Variants in YY1 observed in about 807,000 individuals in gnomAD.
The protein encoded by YY1 is transcriptional repressor protein YY1.
A neutral mutation model predicts 35.6 loss-of-function variants in YY1; 2 were observed. The observed-to-expected ratio is 0.06, with a 90% CI of 0.02 to 0.18. The LOEUF is 0.18. YY1 is among the 10% of genes least tolerant of loss of function. The pLI, the probability that YY1 is intolerant of heterozygous loss-of-function variation, is 1.00. For missense variants in YY1, 322 were observed against 573.4 expected (o/e 0.56, Z 4.48); for synonymous variants, 268 against 238.9 (o/e 1.12, Z -1.12).
At chr14:100,261,265 C>A (rs1364293020) in intron 1 of YY1, among the ~76,000 whole-genome samples, 1 of 152,096 alleles carries the variant, frequency 6.6e-6, no homozygotes, top group African/African-American at 2.4e-5. Flanking sequence ...TCTCAGCTCA[C>A]TGCAAACTCT....
chr14:100,261,533 A>G (rs1409919810), intron 1 of YY1, among the ~76,000 whole-genome samples: 1 of 152,230 alleles, frequency 6.6e-6, no homozygotes, highest in Non-Finnish European at 1.5e-5. Flanking sequence ...GATTTTGAAC[A>G]AGGCTCTGTA....
chr14:100,255,656 G>T (rs1264701522), intron 1 of YY1, among the ~76,000 whole-genome samples: 1 of 152,100 alleles, frequency 6.6e-6, no homozygotes, highest in Non-Finnish European at 1.5e-5. Flanking sequence ...GTGGAATGTG[G>T]TAATGATCAA....
chr14:100,271,042 G>A (rs1180481765), intron 2 of YY1, among the ~76,000 whole-genome samples: 1 of 152,038 alleles, frequency 6.6e-6, no homozygotes, highest in African/African-American at 2.4e-5. Flanking sequence ...TCAGGAGATC[G>A]AGACCATCCT....
Position 100,245,595 on chromosome 14 carries a change from AGTT to A in YY1, c.679+5678_679+5680del, listed in dbSNP as rs557761310. The stretch of plus-strand genomic sequence containing the variant: ...ACTAATGCTGTTACATAGGAGTAAC[AGTT>A]GTTGTGGGGTTTTTTGGGTTTTTTT... On this transcript the variant is annotated intron_variant, in intron 1 of 4. Transcript: ENST00000262238. Among the ~76,000 whole-genome samples, 13 of 152,080 alleles carry A rather than the reference AGTT, an allele frequency of 8.5e-5. 1 individual carries two copies. In the South Asian group the frequency reaches 2.5e-3, roughly 29 times the overall value.
At chr14:100,250,092 A>G (rs1890902107) in intron 1 of YY1, among the ~76,000 whole-genome samples, 1 of 152,212 alleles carries the variant, frequency 6.6e-6, no homozygotes. Context: ...CTCTTTAGAT[A>G]CATTGCTTGT....
At chr14:100,269,502 T>G (rs1418706226) in intron 2 of YY1, among the ~76,000 whole-genome samples, 1 of 152,206 alleles carries the variant, frequency 6.6e-6, no homozygotes, top group Admixed American at 6.5e-5. Flanking sequence ...AAGACTTAAA[T>G]CTTAGTTACT....
At chr14:100,251,641 A>C (rs531675650) in intron 1 of YY1, among the ~76,000 whole-genome samples, 2 of 152,136 alleles carry the variant, frequency 1.3e-5, no homozygotes, top group Non-Finnish European at 2.9e-5. Context: ...AAGTGGAATA[A>C]AGGGGCTTTT....
intron 2 of YY1, among the ~76,000 whole-genome samples, chr14:100,271,100 A>T (rs1891231710): frequency 6.6e-6 from 1 of 152,052 alleles, no homozygotes; most frequent in Non-Finnish European, 1.5e-5. Context: ...ACAAAATATT[A>T]GCCGGGCATA....
intron 2 of YY1, among the ~76,000 whole-genome samples, chr14:100,270,020 T>C (rs1333685231): frequency 1.3e-5 from 2 of 151,926 alleles, no homozygotes; most frequent in Non-Finnish European, 2.9e-5. Flanking sequence ...CCCAGCACTT[T>C]GCGAGGCTGA....
In YY1 at chr14:100,245,145, C is replaced by G. The variant is rs556153880; in HGVS notation, c.679+5222C>G. Among the ~76,000 whole-genome samples, 29 of 152,080 alleles carry G rather than the reference C, an allele frequency of 1.9e-4. No homozygotes were observed. In the South Asian group the frequency reaches 3.5e-3, roughly 19 times the overall value. On this transcript the variant is annotated intron_variant, in intron 1 of 4. Transcript: ENST00000262238. The stretch of plus-strand genomic sequence containing the variant: ...TAGAGATGGGGTTTCACCATGTTAG[C>G]CAGGATGGTCTCGATCTCCTGACCT...
intron 1 of YY1, among the ~76,000 whole-genome samples, chr14:100,243,965 G>A (rs186156318): frequency 2.0e-4 from 31 of 152,178 alleles, no homozygotes; most frequent in African/African-American, 7.2e-4. Context: ...GAAATTAGCC[G>A]GGCGCTGTGG....
intron 1 of YY1, among the ~76,000 whole-genome samples, chr14:100,246,956 CT>C (rs1890842507): frequency 6.6e-6 from 1 of 152,170 alleles, no homozygotes; most frequent in Non-Finnish European, 1.5e-5. Flanking sequence ...GCCTCTTGTG[CT>C]GTCAGACTCT....
In YY1 at chr14:100,274,586, T is replaced by A. The variant is rs139796303; in HGVS notation, c.843-112T>A. 4.0e-3 allele frequency: 3,428 copies of A among 857,386 alleles called. 19 individuals carry two copies. Among genetic ancestry groups the A allele is most frequent in the Non-Finnish European group, 5.7e-3 (2,935 of 515,722 alleles). 53.1% of individuals were successfully genotyped at this position (857,386 alleles called of 1,614,324 possible). On this transcript the variant is annotated intron_variant, in intron 2 of 4. Coordinates refer to ENST00000262238, the MANE Select transcript of YY1 (RefSeq NM_003403.5). ...CTTTCTGCTTCATGGAAATGTATCA[T>A]AATTTTAGTTTGGGTACCTATAAGG... is the stretch of plus-strand genomic sequence containing the variant.
chr14:100,246,717 CA>C (rs750990309), intron 1 of YY1, among the ~76,000 whole-genome samples: 19 of 152,288 alleles, frequency 1.2e-4, no homozygotes, highest in Non-Finnish European at 2.4e-4. Flanking sequence ...TGCCAAAAAT[CA>C]CTAGTCATGA....
intron 1 of YY1, among the ~76,000 whole-genome samples, chr14:100,250,756 T>C (rs956053838): frequency 6.6e-6 from 1 of 151,854 alleles, no homozygotes; most frequent in African/African-American, 2.4e-5. Context: ...TGGTGCACTT[T>C]TGGAGACTGA....
chr14:100,241,309 T>C (rs543261532), intron 1 of YY1, among the ~76,000 whole-genome samples: 1 of 152,326 alleles, frequency 6.6e-6, no homozygotes, highest in Non-Finnish European at 1.5e-5. Flanking sequence ...AGACTCAAAA[T>C]ATGGTGACCT....
chr14:100,275,406 T>C (rs192741002), intron 3 of YY1, among the ~76,000 whole-genome samples: 48 of 152,354 alleles, frequency 3.2e-4, no homozygotes, highest in Non-Finnish European at 4.4e-4. Context: ...TTCCCTGTAA[T>C]GACTGTGCAC....
At chr14:100,264,281 A>G (rs894487042) in intron 2 of YY1, 6 of 151,712 alleles carry the variant, frequency 4.0e-5, no homozygotes, top group Admixed American at 2.6e-4. Flanking sequence ...GGTTCAAGCG[A>G]TTCTCCTACC....
intron 2 of YY1, among the ~76,000 whole-genome samples, chr14:100,273,528 T>G (rs751173167): frequency 6.6e-6 from 1 of 152,032 alleles, no homozygotes; most frequent in African/African-American, 2.4e-5. Context: ...TTGCCCAGGC[T>G]TAATTTTTTT....
Sources: allele counts gnomAD v4.1 joint callset (sites outside exome capture counted in the v4.1 genomes callset), GRCh38; gene constraint gnomAD v4.1.1; transcripts MANE v1.5; gene names NCBI Gene and HGNC (gene_info 2026-07-23, HGNC 2026-07-21).